SIRPG: variants seen among roughly 807,000 people sequenced by gnomAD.
SIRPG encodes the protein signal regulatory protein gamma, also known as signal-regulatory protein gamma.
SIRPG carries 38 observed loss-of-function variants against 35.7 expected under a neutral mutation model. That is an observed-to-expected ratio of 1.06 (90% CI 0.82 to 1.40). The LOEUF (loss-of-function observed/expected upper bound fraction) is 1.40. Ranked by LOEUF, SIRPG falls within the 40% of genes most tolerant of loss-of-function variation. SIRPG has a pLI of 0.00. For synonymous variants in SIRPG, 215 were observed against 190.4 expected (o/e 1.13, Z -1.06); for missense variants, 519 against 483.0 (o/e 1.07, Z -0.70).
chr20:1,679,360 C>T, the SIRPG span, among the ~76,000 whole-genome samples: 1 of 152,338 alleles, frequency 6.6e-6, no homozygotes, highest in African/African-American at 2.4e-5. Flanking sequence ...TGACCAGGTA[C>T]AGCAGTGTGA....
At chr20:1,682,444 T>A in the SIRPG span, among the ~76,000 whole-genome samples, 8 of 152,002 alleles carry the variant, frequency 5.3e-5, no homozygotes, top group African/African-American at 1.9e-4. Flanking sequence ...GCCCCAAAAA[T>A]GCATATGAAA....
At position 1,630,285 on chromosome 20, in the gene SIRPG, G is replaced by A. The variant is rs35062363; in HGVS notation, c.1103C>T (p.Ala368Val). 380 of 1,569,834 alleles carry A rather than the reference G, an allele frequency of 2.4e-4. 1 individual carries two copies. Among genetic ancestry groups the A allele is most frequent in the Middle Eastern group, 1.8e-4 (1 of 5,548 alleles). Reference protein sequence around the residue: ...ATPGPASSLTALLLIAVLLGP... With the variant: ...ATPGPASSLTVLLLIAVLLGP... Reference sequence around the variant, plus strand: ...CAGGAGGACAGCTATGAGGAGCAGCGCAGTAAGGGATGATGCCGGGCCTGG... The same window carrying A: ...CAGGAGGACAGCTATGAGGAGCAGCACAGTAAGGGATGATGCCGGGCCTGG... Residue 368 changes from alanine to valine, a missense_variant, in exon 5 of 6, where the codon GCG becomes GTG. Transcript: ENST00000303415.
chr20:1,636,197 C>A lies in SIRPG; in HGVS notation c.739G>T (p.Ala247Ser). The stretch of plus-strand genomic sequence containing the variant: ...TGTGAGGGTCCTCTACCTCGGATGG[C>A]CTCAGACAAGTTGGCAGTCCCACGA... ...PLRGTANLSEAIRVPPTLEVT... is the reference protein window; with the variant it reads ...PLRGTANLSESIRVPPTLEVT... Residue 247 changes from alanine (A) to serine (S), a missense_variant, in exon 3 of 6, where the codon GCC becomes TCC. Ala to Ser is a moderately conservative substitution (Grantham distance 99). Transcript: ENST00000303415. 2 of 1,614,090 alleles carry A rather than the reference C, an allele frequency of 1.2e-6. No homozygotes were observed. Among genetic ancestry groups the A allele is most frequent in the Non-Finnish European group, 1.7e-6 (2 of 1,179,996 alleles).
At chr20:1,659,760 G>T (rs2091991367), upstream of SIRPG, among the ~76,000 whole-genome samples, 1 of 152,208 alleles carries the variant, frequency 6.6e-6, no homozygotes, top group South Asian at 2.1e-4. Flanking sequence ...TGCAGGAAGG[G>T]AGAGACATCC....
At chr20:1,666,195 T>A in the SIRPG span, among the ~76,000 whole-genome samples, 306 of 151,280 alleles carry the variant, frequency 2.0e-3, 2 homozygotes, top group African/African-American at 7.2e-3. Context: ...GAGAAAAAAA[T>A]TTTTGTACAG....
intron 5 of SIRPG, 44 bp downstream of exon 5, chr20:1,630,178 C>T: frequency 6.8e-7 from 1 of 1,465,048 alleles, no homozygotes; most frequent in Non-Finnish European, 9.3e-7. Flanking sequence ...TGGCCTTGCC[C>T]TTCTGAGACA....
chr20:1,646,657 T>A, intron 2 of SIRPG: 1 of 153,010 alleles, frequency 6.5e-6, no homozygotes. Flanking sequence ...TTTTGTTTTG[T>A]TTTGTTTTTG....
upstream of SIRPG, among the ~76,000 whole-genome samples, chr20:1,660,925 G>A (rs2091994237): frequency 6.6e-6 from 1 of 151,988 alleles, no homozygotes; most frequent in African/African-American, 2.4e-5. Flanking sequence ...GTGATCCTGG[G>A]GTCACTATTA....
At chr20:1,663,405 G>A in the SIRPG span, among the ~76,000 whole-genome samples, 1 of 152,224 alleles carries the variant, frequency 6.6e-6, no homozygotes, top group Non-Finnish European at 1.5e-5. Flanking sequence ...TACTGATTGG[G>A]ACCAGGAAGG....
At chr20:1,665,412 C>T in the SIRPG span, 1 of 153,958 alleles carries the variant, frequency 6.5e-6, no homozygotes, top group Non-Finnish European at 1.5e-5. Flanking sequence ...TCATGAGACT[C>T]CAGGAGGAGC....
upstream of SIRPG, among the ~76,000 whole-genome samples, chr20:1,658,186 A>T (rs536729419): frequency 2.0e-5 from 3 of 152,332 alleles, no homozygotes; most frequent in South Asian, 6.2e-4. Flanking sequence ...AGTTCACAGG[A>T]CCTGCTCAAC....
chr20:1,649,629 CTTTTTTTTTT>C (rs35561366), intron 1 of SIRPG, among the ~76,000 whole-genome samples: 1 of 75,764 alleles, frequency 1.3e-5, no homozygotes, highest in Non-Finnish European at 2.3e-5. Context: ...CAGAGAGGTT[CTTTTTTTTTT>C]TTTTTTTTTT....
At chr20:1,670,634 C>T in the SIRPG span, among the ~76,000 whole-genome samples, 1 of 152,116 alleles carries the variant, frequency 6.6e-6, no homozygotes, top group African/African-American at 2.4e-5. Flanking sequence ...ATAGAGCTTG[C>T]TAGCTATCTA....
chr20:1,679,831 C>T, the SIRPG span, among the ~76,000 whole-genome samples: 1 of 143,192 alleles, frequency 7.0e-6, no homozygotes, highest in Admixed American at 7.0e-5. Flanking sequence ...CTCTGATTGG[C>T]TCAACCATTT....
At chr20:1,684,733 C>T in the SIRPG span, among the ~76,000 whole-genome samples, 7 of 152,346 alleles carry the variant, frequency 4.6e-5, no homozygotes, top group South Asian at 2.1e-4. Context: ...TCCACCTGGA[C>T]TTGAATCCCA....
the SIRPG span, among the ~76,000 whole-genome samples, chr20:1,670,689 C>T: frequency 5.9e-5 from 9 of 152,210 alleles, no homozygotes; most frequent in African/African-American, 1.9e-4. Context: ...ATGTCTACCA[C>T]CTGGTGGGTG....
the SIRPG span, among the ~76,000 whole-genome samples, chr20:1,679,793 T>C: frequency 1.3e-5 from 2 of 152,172 alleles, no homozygotes; most frequent in African/African-American, 4.8e-5. Context: ...AGATTCCCTT[T>C]GAATGCTCAT....
chr20:1,630,567 C>A (rs966265642), intron 4 of SIRPG: 6 of 402,710 alleles, frequency 1.5e-5, no homozygotes, highest in Middle Eastern at 1.4e-3. Context: ...GGTATTCATA[C>A]ATGTGGCAAC....
chr20:1,649,019 T>A (rs1442068523), intron 2 of SIRPG, 33 bp downstream of exon 2: 1 of 1,550,600 alleles, frequency 6.4e-7, no homozygotes, highest in African/African-American at 1.4e-5. Flanking sequence ...TTGTCACACA[T>A]CAGGGGATGA....
Sources: gnomAD v4.1 joint callset for allele counts (sites outside exome capture counted in the v4.1 genomes callset) on GRCh38, gnomAD v4.1.1 for gene constraint, MANE v1.5 for transcripts, NCBI Gene and HGNC (gene_info 2026-07-23, HGNC 2026-07-21) for gene names.